NCALD: variants seen among roughly 807,000 people sequenced by gnomAD.
NCALD encodes neurocalcin delta.
NCALD carries 10 observed loss-of-function variants against 18.6 expected under a neutral mutation model. That is an observed-to-expected ratio of 0.54 (90% CI 0.33 to 0.91). The LOEUF (loss-of-function observed/expected upper bound fraction) is 0.91, where lower values mean the gene tolerates loss of function less well. NCALD is among the 40% of genes least tolerant of loss of function. The pLI, the probability that NCALD is intolerant of heterozygous loss-of-function variation, is 0.03. For synonymous variants in NCALD, 88 were observed against 87.4 expected, an observed-to-expected ratio of 1.01 and a Z score of -0.04; for missense variants, 184 against 247.6, an observed-to-expected ratio of 0.74 and a Z score of 1.72.
At chr8:101,767,334 T>C (rs1359176665) in intron 1 of NCALD, among the ~76,000 whole-genome samples, 4 of 152,210 alleles carry the variant, frequency 2.6e-5, no homozygotes, top group Non-Finnish European at 5.9e-5. Flanking sequence ...ACTAGTGTTT[T>C]TCATTGATAG....
rs1286274071 is a variant in NCALD at position 102,029,466 on chromosome 8, A to T, written c.-209-9177T>A. ...AAAATCGATATTACCTAGCCTGCAA[A>T]CATGAATGCTATAAGCCAAAAGAAA... On this transcript the variant is annotated intron_variant, in intron 1 of 6. Transcript: ENST00000311028. 3.9e-5 allele frequency among the ~76,000 whole-genome samples: 6 copies of T among 152,238 alleles called. No homozygotes were observed. In the South Asian group the frequency reaches 8.3e-4, roughly 21 times the overall value.
intron 1 of NCALD, among the ~76,000 whole-genome samples, chr8:102,049,215 CTT>C (rs754943362): frequency 6.6e-6 from 1 of 152,138 alleles, no homozygotes; most frequent in Non-Finnish European, 1.5e-5. Flanking sequence ...AAAAAATAGT[CTT>C]TAAGGGACAC....
chr8:101,722,648 C>T (rs1211512262), intron 1 of NCALD, among the ~76,000 whole-genome samples: 1 of 152,172 alleles, frequency 6.6e-6, no homozygotes, highest in Non-Finnish European at 1.5e-5. Context: ...AACTTAAGTG[C>T]CTTTCCCAGT....
At chr8:102,009,636 G>C (rs1821835626) in intron 2 of NCALD, among the ~76,000 whole-genome samples, 1 of 152,228 alleles carries the variant, frequency 6.6e-6, no homozygotes, top group African/African-American at 2.4e-5. Flanking sequence ...AAAAGATTAT[G>C]CTTAAGAGAA....
chr8:101,719,325 T>G lies in NCALD; in HGVS notation c.305A>C (p.Lys102Thr). ...CAGGTCGTACATGCTGAAGGCCCAT[T>G]TCAGCTTCTGCTCCAGCTTCCCCCT... ...TSRGKLEQKL[K>T]WAFSMYDLDG... Residue 102 changes from lysine (K) to threonine (T), a missense_variant, in exon 2 of 4, where the codon AAA becomes ACA. Transcript: ENST00000220931. 1 of 1,614,216 alleles carries G rather than the reference T, an allele frequency of 6.2e-7. No individual in the cohort carries two copies. The highest frequency in any genetic ancestry group is 8.5e-7 in the Non-Finnish European group (1 of 1,180,030).
chr8:101,922,166 T>C (rs78666048), intron 2 of NCALD, among the ~76,000 whole-genome samples: 1 of 148,236 alleles, frequency 6.7e-6, no homozygotes, highest in African/African-American at 2.5e-5. Context: ...AAAAAAAAAA[T>C]GGTGTCTCTG....
intron 4 of NCALD, among the ~76,000 whole-genome samples, chr8:101,840,942 AT>A (rs1273634868): frequency 1.3e-5 from 2 of 152,208 alleles, no homozygotes; most frequent in Non-Finnish European, 2.9e-5. Context: ...GATTATTAAT[AT>A]CTTTTAAATA....
At chr8:101,808,059 G>A (rs1206533319) in intron 4 of NCALD, among the ~76,000 whole-genome samples, 2 of 152,130 alleles carry the variant, frequency 1.3e-5, no homozygotes, top group Admixed American at 1.3e-4. Context: ...GAAAAAAAGA[G>A]AAGTCTCAAA....
At chr8:102,087,946 T>TA (rs1824795110) in intron 1 of NCALD, among the ~76,000 whole-genome samples, 2 of 150,800 alleles carry the variant, frequency 1.3e-5, no homozygotes, top group South Asian at 2.1e-4. Flanking sequence ...AAATGAATGG[T>TA]AAAAAATACT....
At chr8:101,848,831 T>C (rs748227405) in intron 4 of NCALD, among the ~76,000 whole-genome samples, 4 of 152,150 alleles carry the variant, frequency 2.6e-5, no homozygotes, top group African/African-American at 7.2e-5. Context: ...GAATTTGGTA[T>C]CTGTTTGACC....
At chr8:102,033,364 C>T (rs141528893) in intron 1 of NCALD, among the ~76,000 whole-genome samples, 1 of 152,152 alleles carries the variant, frequency 6.6e-6, no homozygotes, top group African/African-American at 2.4e-5. Flanking sequence ...TGCTTTGAAT[C>T]AACAACCCCT....
intron 2 of NCALD, among the ~76,000 whole-genome samples, chr8:101,938,172 A>G (rs1818830314): frequency 6.6e-6 from 1 of 152,228 alleles, no homozygotes; most frequent in Non-Finnish European, 1.5e-5. Context: ...CAATTGTTTC[A>G]AGAATCCATT....
chr8:101,979,287 C>CCCTT (rs10627307), intron 2 of NCALD, among the ~76,000 whole-genome samples: 55,176 of 151,836 alleles, frequency 0.36, 13,471 homozygotes, highest in African/African-American at 0.7. Context: ...GGCCAGCCCT[C>CCCTT]AAAGTATGGC....
chr8:101,769,343 C>T (rs1811485632), intron 1 of NCALD, among the ~76,000 whole-genome samples: 1 of 152,120 alleles, frequency 6.6e-6, no homozygotes. Context: ...CATATAATGT[C>T]TCCTAGTATT....
chr8:101,829,331 G>A (rs1023771077), intron 4 of NCALD, among the ~76,000 whole-genome samples: 4 of 152,100 alleles, frequency 2.6e-5, no homozygotes, highest in Non-Finnish European at 4.4e-5. Flanking sequence ...AACTTACAAA[G>A]AACCTGGTCT....
chr8:102,109,026 G>A (rs1278126177), intron 1 of NCALD, among the ~76,000 whole-genome samples: 7 of 152,286 alleles, frequency 4.6e-5, no homozygotes, highest in Middle Eastern at 6.8e-3. Flanking sequence ...CAATGCAGGA[G>A]TGATGAAAAT....
At chr8:101,842,425 A>T (rs1167104695) in intron 4 of NCALD, among the ~76,000 whole-genome samples, 1 of 152,234 alleles carries the variant, frequency 6.6e-6, no homozygotes. Context: ...ATAGAAATTA[A>T]CAGTTCATTA....
chr8:102,044,005 A>G (rs1280321421), intron 1 of NCALD, among the ~76,000 whole-genome samples: 1 of 151,912 alleles, frequency 6.6e-6, no homozygotes, highest in African/African-American at 2.4e-5. Context: ...AGTTTGCCTC[A>G]AATTCTTGAA....
chr8:101,937,857 G>A (rs1358423968), intron 2 of NCALD, among the ~76,000 whole-genome samples: 1 of 152,150 alleles, frequency 6.6e-6, no homozygotes, highest in Non-Finnish European at 1.5e-5. Flanking sequence ...AATTAGATTA[G>A]TGGTATGTGA....
Sources: allele counts gnomAD v4.1 joint callset (sites outside exome capture counted in the v4.1 genomes callset), GRCh38; gene constraint gnomAD v4.1.1; transcripts MANE v1.5; gene names NCBI Gene and HGNC (gene_info 2026-07-23, HGNC 2026-07-21).